Variants in PRKN observed in about 807,000 individuals in gnomAD.
PRKN encodes E3 ubiquitin-protein ligase parkin.
In PRKN, 56 loss-of-function variants were observed where a neutral mutation model predicts 59.5. The ratio of observed to expected loss-of-function variants is 0.94; its 90% CI spans 0.76 to 1.18. The LOEUF (loss-of-function observed/expected upper bound fraction) is 1.18, where lower values mean the gene tolerates loss of function less well. PRKN is among the 50% of genes most tolerant of loss of function. The probability of loss-of-function intolerance (pLI) is 0.00; values close to 1 mark genes in which losing one functional copy is unlikely to be tolerated. For missense variants in PRKN, 657 were observed against 596.4 expected, an observed-to-expected ratio of 1.10 and a Z score of -1.06; for synonymous variants, 250 against 222.1, an observed-to-expected ratio of 1.13 and a Z score of -1.12.
chr6:162,245,254 C>T (rs1779150636), intron 3 of PRKN, among the ~76,000 whole-genome samples: 1 of 152,066 alleles, frequency 6.6e-6, no homozygotes, highest in Admixed American at 6.6e-5. Flanking sequence ...CAAAGAATTT[C>T]TGTCCAGTGG....
In PRKN at chr6:161,354,063, T is replaced by A. The variant is rs1784662702; in HGVS notation, c.1286-3852A>T. Among the ~76,000 whole-genome samples the A allele has an allele frequency of 6.6e-6, 1 of 152,208 alleles. No homozygotes were observed. The highest frequency in any genetic ancestry group is 1.5e-5 in the Non-Finnish European group (1 of 68,040). ...ATTTAATGAATCTGGGATACTAGCA[T>A]TGTAAATGATATCTTGGTACAGAAG... On this transcript the variant is annotated intron_variant, in intron 11 of 11. Coordinates refer to ENST00000366898, the MANE Select transcript of PRKN (RefSeq NM_004562.3). This position sits in a 1 kb window ranked among gnomAD's most constrained non-coding sequence, Gnocchi z 6.7.
intron 9 of PRKN, among the ~76,000 whole-genome samples, chr6:161,477,974 C>T (rs962346698): frequency 1.3e-5 from 2 of 152,138 alleles, no homozygotes; most frequent in African/African-American, 2.4e-5. Flanking sequence ...TGCAAATGAA[C>T]GGTTGTACCT....
intron 6 of PRKN, among the ~76,000 whole-genome samples, chr6:161,872,619 A>T (rs1033281324): frequency 2.0e-5 from 3 of 152,016 alleles, no homozygotes. Context: ...CACAATGCTT[A>T]ATCCATGGTC....
At chr6:161,798,327 G>A (rs1583177867) in intron 6 of PRKN, among the ~76,000 whole-genome samples, 2 of 152,204 alleles carry the variant, frequency 1.3e-5, no homozygotes, top group South Asian at 2.1e-4. Context: ...GCTGGTGGTT[G>A]AGCGAGGTTT....
intron 6 of PRKN, among the ~76,000 whole-genome samples, chr6:161,962,540 CTTT>C (rs567987319): frequency 2.2e-5 from 3 of 136,158 alleles, no homozygotes; most frequent in Middle Eastern, 3.7e-3. Flanking sequence ...AATGTAGCAC[CTTT>C]TTTTTTTTTT....
intron 4 of PRKN, among the ~76,000 whole-genome samples, chr6:162,155,740 T>C (rs1362771041): frequency 6.7e-6 from 1 of 150,112 alleles, no homozygotes; most frequent in Non-Finnish European, 1.5e-5. Context: ...TTGAAGTCCA[T>C]CATAAAAGCC....
intron 6 of PRKN, among the ~76,000 whole-genome samples, chr6:161,873,933 A>G (rs1456575297): frequency 8.2e-6 from 1 of 121,216 alleles, no homozygotes; most frequent in Non-Finnish European, 1.6e-5. Context: ...AAAATATATA[A>G]TATATATAAA....
chr6:162,630,572 A>C (rs1338179033), intron 1 of PRKN, among the ~76,000 whole-genome samples: 1 of 152,162 alleles, frequency 6.6e-6, no homozygotes, highest in African/African-American at 2.4e-5. Flanking sequence ...ATGGGGATTT[A>C]AGATTCTTCT....
intron 7 of PRKN, among the ~76,000 whole-genome samples, chr6:161,621,882 C>G (rs1582903271): frequency 6.6e-6 from 1 of 152,142 alleles, no homozygotes; most frequent in Non-Finnish European, 1.5e-5. Flanking sequence ...TACCAAGTGA[C>G]AAATTCACAC....
chr6:162,429,516 T>C (rs1396391865), intron 2 of PRKN, among the ~76,000 whole-genome samples: 2 of 152,002 alleles, frequency 1.3e-5, no homozygotes, highest in Non-Finnish European at 2.9e-5. Flanking sequence ...TCTACCCGGA[T>C]TTCTCTTCTC....
intron 1 of PRKN, among the ~76,000 whole-genome samples, chr6:162,482,105 T>C (rs1174441890): frequency 1.3e-5 from 2 of 152,146 alleles, no homozygotes; most frequent in African/African-American, 4.8e-5. Context: ...TAACTATGTT[T>C]ACTCAGATAA....
At chr6:162,651,797 T>A (rs562483820) in intron 1 of PRKN, among the ~76,000 whole-genome samples, 4 of 152,276 alleles carry the variant, frequency 2.6e-5, no homozygotes, top group African/African-American at 9.6e-5. Flanking sequence ...TAAAATTATT[T>A]CATGATAATG....
In PRKN at chr6:161,484,992, T is replaced by C. The variant is rs1791585456; in HGVS notation, c.1083+63862A>G. On this transcript the variant is annotated intron_variant, in intron 9 of 11. Transcript: ENST00000366898. This position sits in a 1 kb window ranked among gnomAD's most constrained non-coding sequence, Gnocchi z 4.9. Reference sequence around the variant, plus strand: ...AAAAATCAGGTCGGACTAGCATCAGTGGCAAAGGAACCAGTCAGATCAGCT... The same window carrying C: ...AAAAATCAGGTCGGACTAGCATCAGCGGCAAAGGAACCAGTCAGATCAGCT... 6.6e-6 allele frequency among the ~76,000 whole-genome samples: 1 copy of C among 152,152 alleles called. No homozygotes were observed. Among genetic ancestry groups the C allele is most frequent in the South Asian group, 2.1e-4 (1 of 4,822 alleles).
chr6:162,478,389 A>G (rs954488744), intron 1 of PRKN, among the ~76,000 whole-genome samples: 11 of 152,130 alleles, frequency 7.2e-5, no homozygotes, highest in Non-Finnish European at 4.4e-5. Flanking sequence ...CAGAAGTCAC[A>G]TGTCTGTTCA....
intron 1 of PRKN, among the ~76,000 whole-genome samples, chr6:162,682,386 G>C (rs374542316): frequency 1.3e-4 from 20 of 152,116 alleles, no homozygotes; most frequent in Admixed American, 3.9e-4. Context: ...CCTGGATAAA[G>C]AAAATGTGGC....
chr6:161,977,990 G>A (rs995634062), intron 5 of PRKN, among the ~76,000 whole-genome samples: 18 of 149,980 alleles, frequency 1.2e-4, no homozygotes, highest in Admixed American at 4.6e-4. Flanking sequence ...ACCTTTTCTT[G>A]CAGGCTAATT....
At chr6:162,014,015 C>A (rs1159591656) in intron 5 of PRKN, among the ~76,000 whole-genome samples, 5 of 152,044 alleles carry the variant, frequency 3.3e-5, no homozygotes, top group Non-Finnish European at 7.4e-5. Context: ...AAGGTCAAAG[C>A]TATACAAAAA....
chr6:162,387,254 A>AG, intron 2 of PRKN, among the ~76,000 whole-genome samples: 1 of 138,474 alleles, frequency 7.2e-6, no homozygotes, highest in East Asian at 2.3e-4. Context: ...AAAAAAAAAA[A>AG]ATTTCTCCAA....
chr6:161,781,913 G>A (rs544024633), intron 7 of PRKN, among the ~76,000 whole-genome samples: 7 of 152,288 alleles, frequency 4.6e-5, no homozygotes, highest in African/African-American at 1.4e-4. Flanking sequence ...AAAGCCTTGC[G>A]GCTCCCCTGT....
Sources: allele counts gnomAD v4.1 joint callset (sites outside exome capture counted in the v4.1 genomes callset), GRCh38; gene constraint gnomAD v4.1.1; non-coding constraint Gnocchi (gnomAD v3.1); transcripts MANE v1.5; gene names NCBI Gene and HGNC (gene_info 2026-07-23, HGNC 2026-07-21).